Variants in PRKCB observed in about 807,000 individuals in gnomAD.
The protein encoded by PRKCB is protein kinase C beta type.
A neutral mutation model predicts 81.5 loss-of-function variants in PRKCB; 13 were observed. That is an observed-to-expected ratio of 0.16 (90% CI 0.10 to 0.25). The LOEUF is 0.25. Ranked by LOEUF, PRKCB falls within the 10% of genes least tolerant of loss-of-function variation. The pLI is 1.00. For synonymous variants in PRKCB, 335 were observed against 321.4 expected (o/e 1.04, Z -0.45); for missense variants, 509 against 875.7 (o/e 0.58, Z 5.29).
intron 8 of PRKCB, among the ~76,000 whole-genome samples, chr16:24,116,152 G>C (rs141376498): frequency 6.6e-6 from 1 of 152,160 alleles, no homozygotes; most frequent in South Asian, 2.1e-4. Flanking sequence ...GCAGCCATTA[G>C]TGAGTGTATT....
At chr16:24,096,666 A>AAAATATATATAT (rs1406204037) in intron 7 of PRKCB, among the ~76,000 whole-genome samples, 59 of 32,614 alleles carry the variant, frequency 1.8e-3, no homozygotes, top group Non-Finnish European at 2.9e-3. Context: ...AAAAAAAAAA[A>AAAATATATATAT]ATATATATAT....
At chr16:24,033,351 G>T (rs538927886) in intron 4 of PRKCB, among the ~76,000 whole-genome samples, 18 of 152,282 alleles carry the variant, frequency 1.2e-4, no homozygotes, top group South Asian at 2.1e-4. Context: ...AGACACAGAT[G>T]CAGGGGAAAG....
At chr16:24,074,342 A>G (rs1469498615) in intron 5 of PRKCB, among the ~76,000 whole-genome samples, 2 of 152,256 alleles carry the variant, frequency 1.3e-5, no homozygotes, top group East Asian at 1.9e-4. Context: ...ATCCCGCTCT[A>G]CTGTTATCAG....
At chr16:24,019,691 G>A (rs1965333639) in intron 3 of PRKCB, among the ~76,000 whole-genome samples, 1 of 151,890 alleles carries the variant, frequency 6.6e-6, no homozygotes, top group African/African-American at 2.4e-5. Context: ...TTGAACCTGG[G>A]AGGTTGAGGC....
At position 24,035,455 on chromosome 16, in the gene PRKCB, A is replaced by G. The variant is rs1296566556; in HGVS notation, c.437A>G (p.Asn146Ser). 6.2e-7 allele frequency: 1 copy of G among 1,614,044 alleles called. No individual in the cohort carries two copies. The highest frequency in any genetic ancestry group is 8.5e-7 in the Non-Finnish European group (1 of 1,179,968). ...AATGTGCACAAGCGCTGCGTGATGA[A>G]TGTTCCCAGCCTGTGTGGCACGGAC... Reference protein sequence around the residue: ...MMNVHKRCVMNVPSLCGTDHT... With the variant: ...MMNVHKRCVMSVPSLCGTDHT... The change falls in exon 5 of 17, where the codon AAT becomes AGT. Residue 146 changes from asparagine (N) to serine (S), a missense_variant. Physicochemically the swap from Asn to Ser is conservative, Grantham distance 46. Around this residue, in one of 6 missense-constraint regions of PRKCB, gnomAD observed 184 missense variants for 362.9 expected, o/e 0.51. Transcript: ENST00000643927.
chr16:24,123,171 A>C (rs958637866), intron 8 of PRKCB, among the ~76,000 whole-genome samples: 2 of 152,184 alleles, frequency 1.3e-5, no homozygotes, highest in African/African-American at 4.8e-5. Context: ...AGAATCGATG[A>C]GGGCTTCCCT....
In PRKCB at chr16:23,970,979, T is replaced by G. The variant is rs891907808; in HGVS notation, c.206-17529T>G. Among the ~76,000 whole-genome samples, 4 of 152,210 alleles carry G rather than the reference T, an allele frequency of 2.6e-5. No individual in the cohort carries two copies. In the South Asian group the frequency reaches 8.3e-4, roughly 32 times the overall value. ...ACCTCTAGAGTCCATGGGCAGATTTTCTGGGCCTCTGGCTTAGTTTTCCTC... is the reference window on the plus strand; with the variant it reads ...ACCTCTAGAGTCCATGGGCAGATTTGCTGGGCCTCTGGCTTAGTTTTCCTC... On this transcript the variant is annotated intron_variant, in intron 2 of 16. Transcript: ENST00000643927.
At chr16:24,160,342 C>G (rs1967235049) in intron 10 of PRKCB, among the ~76,000 whole-genome samples, 1 of 152,162 alleles carries the variant, frequency 6.6e-6, no homozygotes, top group Admixed American at 6.5e-5. Flanking sequence ...GTTATCATGA[C>G]TAAAATGAGC....
chr16:24,056,557 T>C (rs1965904590), intron 5 of PRKCB, among the ~76,000 whole-genome samples: 1 of 152,184 alleles, frequency 6.6e-6, no homozygotes, highest in Admixed American at 6.5e-5. Flanking sequence ...GGGAGGTGCT[T>C]GGGCCATTTT....
At chr16:23,995,224 A>G (rs1116827) in intron 3 of PRKCB, among the ~76,000 whole-genome samples, 106,490 of 151,932 alleles carry the variant, frequency 0.7, 38,945 homozygotes, top group African/African-American at 0.92. Flanking sequence ...TTCCTCATTT[A>G]AGTGTGTTAT....
intron 9 of PRKCB, among the ~76,000 whole-genome samples, chr16:24,132,920 A>G (rs1048091314): frequency 1.3e-5 from 2 of 152,182 alleles, no homozygotes; most frequent in Non-Finnish European, 1.5e-5. Context: ...TGCTGGCATT[A>G]CAGGCATGAG....
At chr16:23,937,370 G>A (rs1244807445) in intron 2 of PRKCB, among the ~76,000 whole-genome samples, 3 of 152,168 alleles carry the variant, frequency 2.0e-5, no homozygotes, top group East Asian at 1.9e-4. Context: ...TGGTTTACTC[G>A]GGACAAAGTC....
intron 5 of PRKCB, among the ~76,000 whole-genome samples, chr16:24,063,541 C>A (rs187409063): frequency 2.1e-3 from 323 of 152,118 alleles, no homozygotes; most frequent in African/African-American, 7.1e-3. Flanking sequence ...GTGATCCGCC[C>A]GCCTTGGCCT....
At chr16:24,194,128 A>T (rs1967841828) in intron 16 of PRKCB, among the ~76,000 whole-genome samples, 1 of 152,222 alleles carries the variant, frequency 6.6e-6, no homozygotes, top group South Asian at 2.1e-4. Flanking sequence ...GGAGTTCGAG[A>T]CCAGCCTGGC....
intron 2 of PRKCB, among the ~76,000 whole-genome samples, chr16:23,855,501 G>C (rs983134141): frequency 2.0e-5 from 3 of 152,166 alleles, no homozygotes; most frequent in Non-Finnish European, 4.4e-5. Flanking sequence ...TTAAATGTTA[G>C]TTATAGAAAA....
chr16:24,086,973 C>G (rs6497720), intron 5 of PRKCB, among the ~76,000 whole-genome samples: 1,755 of 152,206 alleles, frequency 0.012, 31 homozygotes, highest in African/African-American at 0.039. Flanking sequence ...TCTGTATACA[C>G]TTTACCTGAT....
At chr16:24,153,169 C>G (rs372630) in intron 9 of PRKCB, among the ~76,000 whole-genome samples, 50,608 of 151,864 alleles carry the variant, frequency 0.33, 8,516 homozygotes, top group South Asian at 0.46. Flanking sequence ...TTCTATATGT[C>G]ACCCCTTCTA....
In PRKCB at chr16:24,218,200, C is replaced by A; in HGVS notation, c.*3384C>A. 1.0e-6 allele frequency: 1 copy of A among 985,216 alleles called. No homozygotes were observed. The highest frequency in any genetic ancestry group is 1.2e-6 in the Non-Finnish European group (1 of 829,892). 61.0% of individuals were successfully genotyped at this position (985,216 alleles called of 1,614,324 possible). ...AAATAAACAAGACAATTTCTGAAAG[C>A]AATAAGTGCAATCAAGATAATTAAA... On this transcript the variant is annotated 3_prime_UTR_variant, in exon 17 of 17. Transcript: ENST00000643927.
At chr16:23,882,063 T>TCCTTCTTCCTG (rs1963131698) in intron 2 of PRKCB, among the ~76,000 whole-genome samples, 1 of 90,986 alleles carries the variant, frequency 1.1e-5, no homozygotes. Context: ...CCTTCTTCCT[T>TCCTTCTTCCTG]TCCTTTCTTT....
Sources: gnomAD v4.1 joint callset for allele counts (sites outside exome capture counted in the v4.1 genomes callset) on GRCh38, gnomAD v4.1.1 for gene constraint, gnomAD v4.1.1 regional missense constraint, MANE v1.5 for transcripts, NCBI Gene and HGNC (gene_info 2026-07-23, HGNC 2026-07-21) for gene names.